The following CDH23 variants were observed in gnomAD, a reference collection of about 807,000 sequenced individuals.
CDH23 encodes the protein cadherin related 23.
CDH23 carries 189 observed loss-of-function variants against 317.1 expected under a neutral mutation model. That is an observed-to-expected ratio of 0.60 (90% confidence interval 0.53 to 0.67). The LOEUF (loss-of-function observed/expected upper bound fraction) is 0.67. CDH23 is among the 30% of genes least tolerant of loss of function. The pLI, the probability that CDH23 is intolerant of heterozygous loss-of-function variation, is 0.00. For synonymous variants in CDH23, 1,839 were observed against 1,876.8 expected, an observed-to-expected ratio of 0.98 and a Z score of 0.52; for missense variants, 4,401 against 4,592.4, an observed-to-expected ratio of 0.96 and a Z score of 1.20.
intron 38 of CDH23, among the ~76,000 whole-genome samples, chr10:71,763,566 G>A (rs1387779780): frequency 6.6e-6 from 1 of 152,214 alleles, no homozygotes; most frequent in Non-Finnish European, 1.5e-5. Context: ...GAGGCAGCCT[G>A]GTGGGGCTTC....
At chr10:71,438,347 C>CAAAAAAACAAAAAAAAAAAAA (rs1849713371) in intron 1 of CDH23, among the ~76,000 whole-genome samples, 1 of 98,360 alleles carries the variant, frequency 1.0e-5, no homozygotes, top group Admixed American at 1.1e-4. Flanking sequence ...CTGTCTCAAA[C>CAAAAAAACAAAAAAAAAAAAA]AAAAAAAAAA....
chr10:71,494,918 C>G (rs1005439065), intron 3 of CDH23, among the ~76,000 whole-genome samples: 3 of 152,004 alleles, frequency 2.0e-5, no homozygotes, highest in African/African-American at 7.2e-5. Context: ...CAGGTGAGCC[C>G]CATGAGATGA....
At chr10:71,485,621 G>C (rs1246949843) in intron 3 of CDH23, among the ~76,000 whole-genome samples, 2 of 152,240 alleles carry the variant, frequency 1.3e-5, no homozygotes, top group Non-Finnish European at 2.9e-5. Context: ...GACTGCCCCA[G>C]CCCAGCAATG....
intron 6 of CDH23, among the ~76,000 whole-genome samples, chr10:71,524,429 C>T (rs2132240254): frequency 6.6e-6 from 1 of 152,320 alleles, no homozygotes. Flanking sequence ...GAGCTCCCTG[C>T]CAGGCCGTGG....
intron 3 of CDH23, among the ~76,000 whole-genome samples, chr10:71,447,363 C>G (rs547100201): frequency 6.6e-6 from 1 of 152,176 alleles, no homozygotes; most frequent in Non-Finnish European, 1.5e-5. Context: ...AATTCTTCAA[C>G]GATCTCTGCT....
chr10:71,752,827 A>C (rs1840039540), intron 38 of CDH23: 7 of 969,820 alleles, frequency 7.2e-6, no homozygotes, highest in South Asian at 7.1e-5. Flanking sequence ...GCCAATCTGC[A>C]CAGATGTGCA....
chr10:71,775,732 C>T (rs1213097195), intron 38 of CDH23, among the ~76,000 whole-genome samples: 7 of 152,222 alleles, frequency 4.6e-5, no homozygotes, highest in Non-Finnish European at 7.3e-5. Flanking sequence ...AAACTCTCCA[C>T]TCCCAGCCCC....
intron 6 of CDH23, among the ~76,000 whole-genome samples, chr10:71,546,478 G>A (rs1291252764): frequency 6.6e-6 from 1 of 152,182 alleles, no homozygotes; most frequent in Non-Finnish European, 1.5e-5. Context: ...CAGAATGTGG[G>A]CTCTGGGAGC....
At chr10:71,472,602 G>A (rs1851575331) in intron 3 of CDH23, among the ~76,000 whole-genome samples, 1 of 152,208 alleles carries the variant, frequency 6.6e-6, no homozygotes, top group African/African-American at 2.4e-5. Flanking sequence ...CATGGGCCAG[G>A]CTTCAACTTG....
intron 3 of CDH23, among the ~76,000 whole-genome samples, chr10:71,475,653 C>T (rs1323530153): frequency 1.3e-5 from 2 of 152,178 alleles, no homozygotes; most frequent in Non-Finnish European, 2.9e-5. Flanking sequence ...CGAGGGGTCC[C>T]CGTCCCCTGC....
At chr10:71,443,334 C>T (rs1849990884) in intron 2 of CDH23, among the ~76,000 whole-genome samples, 1 of 152,218 alleles carries the variant, frequency 6.6e-6, no homozygotes, top group Admixed American at 6.5e-5. Flanking sequence ...CTTCCCCATA[C>T]AAGCACACCG....
rs763331998 is a variant in CDH23, at chr10:71,805,819, G to C, written c.7886G>C (p.Arg2629Pro). Residue 2629 changes from arginine (R) to proline (P), a missense_variant, in exon 56 of 70, where the codon CGC (arginine) becomes CCC (proline). By Grantham distance (103) the Arg-to-Pro change is moderately radical. This residue lies in a region of CDH23 where 1,144 missense variants were observed against 1,138.2 expected (regional missense o/e 1.01). Transcript: ENST00000224721. ...TGCTCCCCACAGGAGATCCCGCTGC[G>C]CTCCAACGTGTACGAGGTCTACGCC... ...ILHIREEIPL[R>P]SNVYEVYATD... is the part of the protein sequence containing the mutation. The C allele has an allele frequency of 1.2e-6, 2 of 1,613,226 alleles. No individual in the cohort carries two copies. The highest frequency in any genetic ancestry group is 8.5e-7 in the Non-Finnish European group (1 of 1,179,654).
Position 71,811,921 on chromosome 10 carries a change from C to T in CDH23, c.9320-34C>T, listed in dbSNP as rs41281342. The T allele has an allele frequency of 0.017, 27,878 of 1,613,212 alleles. 302 individuals carry two copies. The highest frequency in any genetic ancestry group is 0.019 in the Non-Finnish European group (22,838 of 1,179,386). On this transcript the variant is annotated intron_variant, in intron 65 of 69. Transcript: ENST00000224721. ...CACCACCCCTACCCCTGGCTATGCC[C>T]CTCCCCTCCATGCCCCAACCCTTCT...
At chr10:71,438,596 C>A (rs1390442259) in intron 1 of CDH23, among the ~76,000 whole-genome samples, 1 of 152,130 alleles carries the variant, frequency 6.6e-6, no homozygotes, top group African/African-American at 2.4e-5. Flanking sequence ...GGGGTCCACG[C>A]TCTCAGCTCT....
chr10:71,736,862 G>T (rs904459966), intron 34 of CDH23, among the ~76,000 whole-genome samples: 5 of 152,188 alleles, frequency 3.3e-5, no homozygotes, highest in Non-Finnish European at 7.4e-5. Context: ...CTGAGAGAAA[G>T]CCTATAATAA....
chr10:71,593,630 G>A (rs985207586), intron 9 of CDH23, among the ~76,000 whole-genome samples: 7 of 152,256 alleles, frequency 4.6e-5, no homozygotes, highest in Non-Finnish European at 8.8e-5. Context: ...AATCCAATAC[G>A]AAAATAAGCA....
rs752103709 is a variant in CDH23 at position 71,694,212 on chromosome 10, G to A, written c.2242G>A (p.Ala748Thr). The A allele has an allele frequency of 1.4e-5, 23 of 1,613,620 alleles. No homozygotes were observed. Among genetic ancestry groups the A allele is most frequent in the Admixed American group, 6.7e-5 (4 of 60,010 alleles). The change falls in exon 21 of 70, where the codon GCA (alanine) becomes ACA (threonine). Residue 748 changes from alanine (A) to threonine (T), a missense_variant. Transcript: ENST00000224721. ...GTCTGAATACATCCTCATCGTTCGC[G>A]CAGTGGACGGGGGTGTGGGCCACAA... ...TKSEYILIVR[A>T]VDGGVGHNQK...
At chr10:71,742,406 T>C (rs145103858) in intron 38 of CDH23, among the ~76,000 whole-genome samples, 3 of 152,332 alleles carry the variant, frequency 2.0e-5, no homozygotes, top group African/African-American at 7.2e-5. Flanking sequence ...GGGAAGGGAT[T>C]CGTGTCTGTG....
intron 3 of CDH23, among the ~76,000 whole-genome samples, chr10:71,446,988 G>C (rs1438361136): frequency 6.6e-6 from 1 of 152,172 alleles, no homozygotes; most frequent in Non-Finnish European, 1.5e-5. Context: ...CTGTGCTGAT[G>C]GGGAGGCACC....
Sources: gnomAD v4.1 joint callset for allele counts (sites outside exome capture counted in the v4.1 genomes callset) on GRCh38, gnomAD v4.1.1 for gene constraint, gnomAD v4.1.1 regional missense constraint, MANE v1.5 for transcripts, NCBI Gene and HGNC (gene_info 2026-07-23, HGNC 2026-07-21) for gene names.